Variants in FRMD3 observed in about 807,000 individuals in gnomAD.
The protein encoded by FRMD3 is FERM domain-containing protein 3.
In FRMD3, 33 loss-of-function variants were observed where a neutral mutation model predicts 70.2. That is an observed-to-expected ratio of 0.47 (90% CI 0.36 to 0.63). FRMD3 has a LOEUF of 0.63. Ranked by LOEUF, FRMD3 falls within the 20% of genes least tolerant of loss-of-function variation. The pLI is 0.00. For synonymous variants in FRMD3, 279 were observed against 255.9 expected (o/e 1.09, Z -0.86); for missense variants, 632 against 711.4 (o/e 0.89, Z 1.27).
In FRMD3 at chr9:83,291,336, CTG is replaced by C. The variant is rs1346480141; in HGVS notation, c.1071-611_1071-610del. Among the ~76,000 whole-genome samples the C allele has an allele frequency of 2.0e-5, 3 of 152,294 alleles. No individual in the cohort carries two copies. The South Asian group carries it at 6.2e-4, about 32-fold the overall frequency. On this transcript the variant is annotated intron_variant, in intron 12 of 13. Coordinates refer to ENST00000304195, the MANE Select transcript of FRMD3 (RefSeq NM_174938.6). ...AGACTAGCAACAGATGGCAAGGAAA[CTG>C]TGCAGGTATCTCATTAAGCCTATTG...
the FRMD3 span, among the ~76,000 whole-genome samples, chr9:83,577,912 T>C: frequency 2.6e-5 from 4 of 151,066 alleles, no homozygotes; most frequent in Admixed American, 6.6e-5. Flanking sequence ...TTTTAAAAGA[T>C]AAAATTGACA....
chr9:83,310,693 T>C, intron 8 of FRMD3, 145 bp from the exon 9 acceptor site: 1 of 647,926 alleles, frequency 1.5e-6, no homozygotes, highest in Admixed American at 2.9e-5. Context: ...TAATGGGCAG[T>C]GAAAAGCCTC....
chr9:83,407,804 C>A (rs770938049), intron 1 of FRMD3, among the ~76,000 whole-genome samples: 5 of 141,128 alleles, frequency 3.5e-5, no homozygotes, highest in Non-Finnish European at 3.0e-5. Flanking sequence ...GGTGCCTAGA[C>A]TGGTCTGGCC....
intron 1 of FRMD3, among the ~76,000 whole-genome samples, chr9:83,517,754 C>A (rs1048159516): frequency 8.5e-5 from 13 of 152,148 alleles, no homozygotes; most frequent in Non-Finnish European, 1.9e-4. Flanking sequence ...TACTGGCAAA[C>A]CGAATCCAGC....
At chr9:83,585,737 A>G in the FRMD3 span, among the ~76,000 whole-genome samples, 1 of 152,248 alleles carries the variant, frequency 6.6e-6, no homozygotes, top group Non-Finnish European at 1.5e-5. Flanking sequence ...GTTAGAAATA[A>G]ACTTCCAACT....
chr9:83,291,573 C>T (rs1410579055), intron 12 of FRMD3, among the ~76,000 whole-genome samples: 2 of 152,120 alleles, frequency 1.3e-5, no homozygotes, highest in Non-Finnish European at 2.9e-5. Context: ...CACAGTCTCT[C>T]TCTCTCTCTC....
chr9:83,552,090 T>C, the FRMD3 span, among the ~76,000 whole-genome samples: 1 of 152,132 alleles, frequency 6.6e-6, no homozygotes, highest in African/African-American at 2.4e-5. Context: ...TCTTTCTAAT[T>C]TTTTGATTTT....
chr9:83,399,638 A>G (rs1825897983), intron 1 of FRMD3, among the ~76,000 whole-genome samples: 2 of 152,348 alleles, frequency 1.3e-5, no homozygotes, highest in Admixed American at 6.5e-5. Context: ...CTAAGGCTCA[A>G]AGAAGCTAAT....
At chr9:83,501,673 AAC>A in intron 1 of FRMD3, among the ~76,000 whole-genome samples, 1 of 152,342 alleles carries the variant, frequency 6.6e-6, no homozygotes, top group East Asian at 1.9e-4. Flanking sequence ...ACACCATGAA[AAC>A]CTGTATTTGC....
At chr9:83,522,565 AAT>A (rs1829596888) in intron 1 of FRMD3, among the ~76,000 whole-genome samples, 3 of 92,722 alleles carry the variant, frequency 3.2e-5, no homozygotes, top group East Asian at 4.4e-4. Context: ...ATATATATAT[AAT>A]TTTTTTTTTT....
Position 83,247,631 on chromosome 9 carries a change from T to C in FRMD3, c.*287A>G. On this transcript the variant is annotated 3_prime_UTR_variant, in exon 14 of 14. Transcript: ENST00000304195. ...AAATCTAATTCAGTCCAATGTAACA[T>C]GTATTATGATATAATAGATGAAGGG... 9.2e-7 allele frequency: 1 copy of C among 1,081,788 alleles called. No homozygotes were observed. The highest frequency in any genetic ancestry group is 3.2e-5 in the South Asian group (1 of 30,872). 67.0% of individuals were successfully genotyped at this position (1,081,788 alleles called of 1,614,324 possible). A position where few individuals can be genotyped will look rare whatever the true frequency, so the allele number is the denominator to read the frequency against.
chr9:83,374,866 T>C (rs1283822835), intron 2 of FRMD3, among the ~76,000 whole-genome samples: 4 of 152,142 alleles, frequency 2.6e-5, no homozygotes, highest in Non-Finnish European at 2.9e-5. Flanking sequence ...AATAAATAAA[T>C]AGGATCATTT....
intron 1 of FRMD3, among the ~76,000 whole-genome samples, chr9:83,442,580 A>G (rs1587856478): frequency 3.9e-5 from 6 of 151,936 alleles, no homozygotes; most frequent in Admixed American, 3.9e-4. Context: ...ACTAATAGGG[A>G]GGAAAGCCAA....
chr9:83,396,041 G>A (rs1011217802), intron 1 of FRMD3, among the ~76,000 whole-genome samples: 1 of 152,086 alleles, frequency 6.6e-6, no homozygotes, highest in Non-Finnish European at 1.5e-5. Flanking sequence ...AACCCATTGG[G>A]GTAGTTAATA....
chr9:83,402,372 C>CT (rs1825974374), intron 1 of FRMD3, among the ~76,000 whole-genome samples: 2 of 151,350 alleles, frequency 1.3e-5, no homozygotes, highest in African/African-American at 4.9e-5. Context: ...TCTGCACACT[C>CT]TGTCTGTCAA....
intron 1 of FRMD3, among the ~76,000 whole-genome samples, chr9:83,521,935 C>G (rs898856008): frequency 4.6e-5 from 7 of 152,188 alleles, no homozygotes; most frequent in African/African-American, 1.7e-4. Context: ...TAGCTCATCT[C>G]AGGTATCATC....
chr9:83,486,595 A>G (rs1828695320), intron 1 of FRMD3, among the ~76,000 whole-genome samples: 1 of 152,240 alleles, frequency 6.6e-6, no homozygotes, highest in Non-Finnish European at 1.5e-5. Context: ...TACATTTCTC[A>G]ACATAAGCCT....
chr9:83,268,803 C>A (rs1833400306), intron 13 of FRMD3, among the ~76,000 whole-genome samples: 1 of 152,176 alleles, frequency 6.6e-6, no homozygotes, highest in Non-Finnish European at 1.5e-5. Flanking sequence ...GGGTGAGCAG[C>A]CTCCAGTGTG....
chr9:83,305,197 G>A (rs1236309161), intron 10 of FRMD3, among the ~76,000 whole-genome samples: 1 of 152,170 alleles, frequency 6.6e-6, no homozygotes, highest in Admixed American at 6.5e-5. Flanking sequence ...CTCTGCCCAG[G>A]GAAGGGTGGT....
Sources: gnomAD v4.1 joint callset for allele counts (sites outside exome capture counted in the v4.1 genomes callset) on GRCh38, gnomAD v4.1.1 for gene constraint, MANE v1.5 for transcripts, NCBI Gene and HGNC (gene_info 2026-07-23, HGNC 2026-07-21) for gene names.